Variants in CNKSR1 observed in about 807,000 individuals in gnomAD.
The protein encoded by CNKSR1 is connector enhancer of kinase suppressor of Ras 1.
A neutral mutation model predicts 95.6 loss-of-function variants in CNKSR1; 88 were observed. The ratio of observed to expected loss-of-function variants is 0.92; its 90% CI spans 0.78 to 1.10. The LOEUF (loss-of-function observed/expected upper bound fraction) is 1.10. Among genes scored for constraint, CNKSR1 ranks in the 50% least tolerant of loss-of-function variants. The pLI, the probability that CNKSR1 is intolerant of heterozygous loss-of-function variation, is 0.00. For synonymous variants in CNKSR1, 355 were observed against 369.7 expected (o/e 0.96, Z 0.46); for missense variants, 836 against 912.0 (o/e 0.92, Z 1.07).
chr1:26,180,801 C>T lies in CNKSR1; in HGVS notation c.297C>T (p.Gly99=). 6.2e-7 allele frequency: 1 copy of T among 1,614,222 alleles called. No homozygotes were observed. The highest frequency in any genetic ancestry group is 8.5e-7 in the Non-Finnish European group (1 of 1,180,038). ...ATHDFQSIVQ[G]CLGDCAKTPI... is the part of the protein sequence containing the mutation. ...ATGACTTCCAGAGCATAGTCCAAGGCTGCCTGGGGGACTGTGCCAAGACCC... is the reference window on the plus strand; with the variant it reads ...ATGACTTCCAGAGCATAGTCCAAGGTTGCCTGGGGGACTGTGCCAAGACCC... The change falls in exon 3 of 21, where the codon GGC becomes GGT. Residue 99 remains glycine (G), a synonymous_variant. Transcript: ENST00000361530.
In CNKSR1 at chr1:26,189,016, G is replaced by A. The variant is rs903481853; in HGVS notation, c.1872+63G>A. 103 of 1,569,922 alleles carry A rather than the reference G, an allele frequency of 6.6e-5. No individual in the cohort carries two copies. In the African/African-American group the frequency reaches 1.0e-3, roughly 16 times the overall value. ...CTCTGGGCTTCAGGCTTTGGTTTGC[G>A]GCTGTCACCTCCACCCTGGGCACCA... On this transcript the variant is annotated intron_variant, in intron 20 of 20. Coordinates refer to ENST00000361530, the MANE Select transcript of CNKSR1 (RefSeq NM_006314.3).
intron 14 of CNKSR1, among the ~76,000 whole-genome samples, chr1:26,185,935 G>A (rs1207854929): frequency 1.3e-5 from 2 of 152,236 alleles, no homozygotes; most frequent in South Asian, 2.1e-4. Flanking sequence ...GGATTCAGGT[G>A]CCTACTGTGA....
chr1:26,189,253 T>A, intron 20 of CNKSR1, 26 bp from the exon 21 acceptor site: 1 of 1,613,372 alleles, frequency 6.2e-7, no homozygotes. Flanking sequence ...GTGATCATGG[T>A]CCCTTAGCCC....
At position 26,189,535 on chromosome 1, in the gene CNKSR1, C is replaced by A; in HGVS notation, c.2129C>A (p.Pro710His). ...CPLTSESSLR[P>H]PDL ...CTGACCTCAGAGAGCAGCCTCCGACCTCCTGACCTCTGACCCTGGCCAGCA... is the reference window on the plus strand; with the variant it reads ...CTGACCTCAGAGAGCAGCCTCCGACATCCTGACCTCTGACCCTGGCCAGCA... Residue 710 changes from proline (P) to histidine (H), a missense_variant, in exon 21 of 21, where the codon CCT becomes CAT. Transcript: ENST00000361530. The A allele has an allele frequency of 6.6e-7, 1 of 1,517,254 alleles. No homozygotes were observed. The highest frequency in any genetic ancestry group is 9.2e-7 in the Non-Finnish European group (1 of 1,091,530). 94.0% of individuals were successfully genotyped at this position (1,517,254 alleles called of 1,614,324 possible).
chr1:26,177,539 A>T lies in CNKSR1; in HGVS notation c.-9A>T. The T allele has an allele frequency of 1.2e-6, 2 of 1,613,964 alleles. No individual in the cohort carries two copies. The highest frequency in any genetic ancestry group is 2.7e-5 in the African/African-American group (2 of 75,020). Reference sequence around the variant, plus strand: ...AACAGGAGCTGATTCGAGCTGGCAGAGCTGGGCCATGGAACCGGTAGAGAC... The same window carrying T: ...AACAGGAGCTGATTCGAGCTGGCAGTGCTGGGCCATGGAACCGGTAGAGAC... On this transcript the variant is annotated 5_prime_UTR_variant, in exon 1 of 21. Coordinates refer to ENST00000361530, the MANE Select transcript of CNKSR1 (RefSeq NM_006314.3).
At chr1:26,179,103 A>G (rs1205113580) in intron 1 of CNKSR1, among the ~76,000 whole-genome samples, 1 of 152,264 alleles carries the variant, frequency 6.6e-6, no homozygotes, top group Non-Finnish European at 1.5e-5. Flanking sequence ...TAAAGCTCTT[A>G]TAGATTTGCA....
chr1:26,177,810 T>C (rs1316608864), intron 1 of CNKSR1, among the ~76,000 whole-genome samples: 1 of 151,982 alleles, frequency 6.6e-6, no homozygotes, highest in East Asian at 1.9e-4. Flanking sequence ...CTACTAAAAA[T>C]ACAAAAATTA....
intron 14 of CNKSR1, among the ~76,000 whole-genome samples, chr1:26,186,589 T>C (rs2088755220): frequency 6.6e-6 from 1 of 151,914 alleles, no homozygotes; most frequent in Non-Finnish European, 1.5e-5. Context: ...ATTCTCCTAC[T>C]TCAGCCTCCC....
In CNKSR1 at chr1:26,181,007, T is replaced by G. The variant is rs534312263; in HGVS notation, c.392+111T>G. 4.3e-5 allele frequency: 60 copies of G among 1,386,638 alleles called. No homozygotes were observed. The South Asian group carries it at 6.6e-4, about 15-fold the overall frequency. 85.9% of individuals were successfully genotyped at this position (1,386,638 alleles called of 1,614,324 possible). Reference sequence around the variant, plus strand: ...TTGTTCAGATATGGTGAGCCAGGCGTGGTGGCTTAGGTCTGTAATCCCAGC... The same window carrying G: ...TTGTTCAGATATGGTGAGCCAGGCGGGGTGGCTTAGGTCTGTAATCCCAGC... On this transcript the variant is annotated intron_variant, in intron 3 of 20. Transcript: ENST00000361530.
intron 1 of CNKSR1, among the ~76,000 whole-genome samples, chr1:26,178,316 T>G (rs2088594897): frequency 6.6e-6 from 1 of 152,134 alleles, no homozygotes; most frequent in Non-Finnish European, 1.5e-5. Flanking sequence ...ATTTGCTCAG[T>G]CTCTGGTGTC....
At chr1:26,181,660 C>T in intron 3 of CNKSR1, 197 bp from the exon 4 acceptor site, 1 of 619,154 alleles carries the variant, frequency 1.6e-6, no homozygotes, top group Non-Finnish European at 2.9e-6. Context: ...TAGAACAGGG[C>T]TTGGCATGTG....
chr1:26,181,124 A>G, intron 3 of CNKSR1: 1 of 514,160 alleles, frequency 1.9e-6, no homozygotes, highest in Non-Finnish European at 3.6e-6. Context: ...TACCAAAAAT[A>G]TACAAAATTA....
intron 1 of CNKSR1, among the ~76,000 whole-genome samples, chr1:26,178,711 T>C (rs2088599678): frequency 6.6e-6 from 1 of 152,176 alleles, no homozygotes; most frequent in South Asian, 2.1e-4. Context: ...AGTTTTTCTG[T>C]CCATCAAATG....
At chr1:26,184,672 TA>T in intron 13 of CNKSR1, 60 bp downstream of exon 13, 1 of 1,547,376 alleles carries the variant, frequency 6.5e-7, no homozygotes, top group East Asian at 2.4e-5. Flanking sequence ...TAAAAATCTT[TA>T]CATGCTGGGC....
intron 14 of CNKSR1, 171 bp from the exon 15 acceptor site, chr1:26,186,997 C>G: frequency 1.5e-6 from 1 of 658,736 alleles, no homozygotes; most frequent in Non-Finnish European, 2.8e-6. Context: ...CATCTCCTAC[C>G]CTGACCCCAG....
In CNKSR1 at chr1:26,185,078, C is replaced by T. The variant is rs199932825; in HGVS notation, c.1200C>T (p.Asp400=). 124 of 1,605,860 alleles carry T rather than the reference C, an allele frequency of 7.7e-5. No homozygotes were observed. The highest frequency in any genetic ancestry group is 3.0e-4 in the Admixed American group (18 of 59,570). The part of the protein sequence containing the change: ...SCRELGRPDC[D]GWLLLRKAPG... ...GTGAGCTGGGCCGGCCGGACTGTGACGGCTGGCTCCTGTTGCGAAAGGCAC... is the reference window on the plus strand; with the variant it reads ...GTGAGCTGGGCCGGCCGGACTGTGATGGCTGGCTCCTGTTGCGAAAGGCAC... The change falls in exon 14 of 21, where the codon GAC becomes GAT. Residue 400 remains aspartate, a synonymous_variant. Transcript: ENST00000361530.
rs767066658 is a variant in CNKSR1, at chr1:26,187,456, T to G, written c.1428T>G (p.Ala476=). 4 of 1,614,080 alleles carry G rather than the reference T, an allele frequency of 2.5e-6. No individual in the cohort carries two copies. Among genetic ancestry groups the G allele is most frequent in the Non-Finnish European group, 3.4e-6 (4 of 1,180,004 alleles). ...THDVYKPFIF[A]ADTLTDLSMW... ...ATGTGTACAAACCCTTCATCTTCGC[T>G]GCTGATACCCTGACAGATCTGAGCA... The change falls in exon 16 of 21, where the codon GCT becomes GCG. Residue 476 remains alanine (A), a synonymous_variant. Transcript: ENST00000361530.
Position 26,182,378 on chromosome 1 carries a change from G to T in CNKSR1, c.495G>T (p.Glu165Asp), listed in dbSNP as rs1481316484. ...ACTTCCAGGATGGTCCAGCGGCTGA[G>T]AAGGAGGGCACAGTCCTGAGGATCG... ...QVLHEDGPAA[E>D]KEGTVLRICS... is the part of the protein sequence containing the mutation. Residue 165 changes from glutamate to aspartate, a missense_variant, in exon 5 of 21, where the codon GAG becomes GAT. Transcript: ENST00000361530. 1.9e-6 allele frequency: 3 copies of T among 1,613,972 alleles called. No individual in the cohort carries two copies. Among genetic ancestry groups the T allele is most frequent in the Non-Finnish European group, 2.5e-6 (3 of 1,179,970 alleles).
At chr1:26,188,365 G>A in intron 17 of CNKSR1, 58 bp downstream of exon 17, 1 of 1,610,890 alleles carries the variant, frequency 6.2e-7, no homozygotes, top group Non-Finnish European at 8.5e-7. Context: ...TGCCTTTCCT[G>A]GGATGGGGGC....
Sources: gnomAD v4.1 joint callset for allele counts (sites outside exome capture counted in the v4.1 genomes callset) on GRCh38, gnomAD v4.1.1 for gene constraint, MANE v1.5 for transcripts, NCBI Gene and HGNC (gene_info 2026-07-23, HGNC 2026-07-21) for gene names.